The following MYOT variants were observed in gnomAD, a reference collection of about 807,000 sequenced individuals.
MYOT encodes the protein myotilin, also known as 57 kDa cytoskeletal protein.
In MYOT, 36 loss-of-function variants were observed where a neutral mutation model predicts 58.0. The observed-to-expected ratio is 0.62, with a 90% confidence interval of 0.48 to 0.82. The LOEUF (loss-of-function observed/expected upper bound fraction) is 0.82, where lower values mean the gene tolerates loss of function less well. Ranked by LOEUF, MYOT falls within the 40% of genes least tolerant of loss-of-function variation. The pLI, the probability that MYOT is intolerant of heterozygous loss-of-function variation, is 0.00. For synonymous variants in MYOT, 218 were observed against 204.6 expected (o/e 1.07, Z -0.56); for missense variants, 505 against 592.1 (o/e 0.85, Z 1.53).
chr5:137,879,528 T>TTTC (rs1355490948), intron 4 of MYOT, among the ~76,000 whole-genome samples: 1 of 136,860 alleles, frequency 7.3e-6, no homozygotes. Context: ...TTTTTTTTTT[T>TTTC]TTTTTTTTTT....
Position 137,877,603 on chromosome 5 carries a change from T to C in MYOT, c.615T>C (p.Ser205=). 3 of 1,613,180 alleles carry C rather than the reference T, an allele frequency of 1.9e-6. No individual in the cohort carries two copies. The highest frequency in any genetic ancestry group is 2.5e-6 in the Non-Finnish European group (3 of 1,179,188). The change falls in exon 4 of 10, where the codon AGT becomes AGC. Residue 205 remains serine, a synonymous_variant. Transcript: ENST00000239926. ...AAAVFQAQDD[S]GAQDSQQHNS... is the part of the protein sequence containing the mutation. Reference sequence around the variant, plus strand: ...CTGTGTTTCAAGCTCAGGATGACAGTGGTGCACAAGACTCGCAGGTAAGTT... The same window carrying C: ...CTGTGTTTCAAGCTCAGGATGACAGCGGTGCACAAGACTCGCAGGTAAGTT...
chr5:137,881,964 T>G lies in MYOT; in HGVS notation c.684-9T>G. ...TTTACGCATAGTTGTTACCAAAATA[T>G]TCTTGTAGAAGTAGATCAACCTCAA... On this transcript the variant is annotated splice_polypyrimidine_tract_variant and intron_variant, in intron 5 of 9. Coordinates refer to ENST00000239926, the MANE Select transcript of MYOT (RefSeq NM_006790.3). The G allele has an allele frequency of 6.2e-7, 1 of 1,613,546 alleles. No individual in the cohort carries two copies. Among genetic ancestry groups the G allele is most frequent in the South Asian group, 1.1e-5 (1 of 91,076 alleles).
In MYOT at chr5:137,870,667, C is replaced by T. The variant is rs1264310581; in HGVS notation, c.16C>T (p.Arg6Cys). Reference protein sequence around the residue: MFNYERPKHFIQSQNP... With the variant: MFNYECPKHFIQSQNP... ...CCAACTAAGCATGTTTAACTACGAA[C>T]GTCCAAAACACTTCATCCAGTCCCA... The change falls in exon 2 of 10, where the codon CGT (arginine) becomes TGT (cysteine). Residue 6 changes from arginine (R) to cysteine (C), a missense_variant. Transcript: ENST00000239926. 1.2e-5 allele frequency: 20 copies of T among 1,613,894 alleles called. No homozygotes were observed. Among genetic ancestry groups the T allele is most frequent in the Admixed American group, 1.7e-5 (1 of 59,996 alleles).
At chr5:137,884,022 T>C (rs1160522632) in intron 7 of MYOT, among the ~76,000 whole-genome samples, 1 of 152,158 alleles carries the variant, frequency 6.6e-6, no homozygotes, top group Non-Finnish European at 1.5e-5. Flanking sequence ...AGAATTATCA[T>C]AATCTGTCAA....
chr5:137,879,650 G>A (rs1019043741), intron 4 of MYOT, among the ~76,000 whole-genome samples: 2 of 141,034 alleles, frequency 1.4e-5, no homozygotes, highest in African/African-American at 5.3e-5. Context: ...TCAGCCTCCC[G>A]AGTAGCTGGG....
rs752368606 is a variant in MYOT at position 137,881,957 on chromosome 5, CA to C, written c.684-12del. 1 of 1,612,248 alleles carries C rather than the reference CA, an allele frequency of 6.2e-7. No homozygotes were observed. Among genetic ancestry groups the C allele is most frequent in the Admixed American group, 1.7e-5 (1 of 59,996 alleles). On this transcript the variant is annotated splice_polypyrimidine_tract_variant and intron_variant, in intron 5 of 9. Coordinates refer to ENST00000239926, the MANE Select transcript of MYOT (RefSeq NM_006790.3). ...GATAATATTTACGCATAGTTGTTAC[CA>C]AAATATTCTTGTAGAAGTAGATCAA...
Position 137,885,609 on chromosome 5 carries a change from T to C in MYOT, c.1025-439T>C, listed in dbSNP as rs186731682. Among the ~76,000 whole-genome samples, 276 of 150,658 alleles carry C rather than the reference T, an allele frequency of 1.8e-3. 1 individual carries two copies. Among genetic ancestry groups the C allele is most frequent in the African/African-American group, 6.5e-3 (269 of 41,112 alleles). ...TAACATGGCAAAACTCTGTGTCCAC[T>C]AAAAAAAATACAAAAATTAGTTGGG... is the stretch of plus-strand genomic sequence containing the variant. On this transcript the variant is annotated intron_variant, in intron 7 of 9. Transcript: ENST00000239926.
intron 8 of MYOT, chr5:137,886,652 AG>A: frequency 1.6e-6 from 1 of 609,532 alleles, no homozygotes; most frequent in Non-Finnish European, 3.0e-6. Flanking sequence ...AGTGAATGAC[AG>A]GGACCATCAG....
intron 7 of MYOT, among the ~76,000 whole-genome samples, chr5:137,885,298 G>C (rs1197348362): frequency 6.6e-6 from 1 of 152,092 alleles, no homozygotes; most frequent in Non-Finnish European, 1.5e-5. Flanking sequence ...AGACACAACA[G>C]TCACTACTAC....
rs376194246 is a variant in MYOT, at chr5:137,869,215, G to C, written c.-211-1226G>C. On this transcript the variant is annotated intron_variant, in intron 1 of 9. Transcript: ENST00000239926. Reference sequence around the variant, plus strand: ...AATTTGGTTAATTTTTCAGTTAAAAGTTTGATTTGTCATTATCTCAGTATT... The same window carrying C: ...AATTTGGTTAATTTTTCAGTTAAAACTTTGATTTGTCATTATCTCAGTATT... 1.1e-4 allele frequency among the ~76,000 whole-genome samples: 16 copies of C among 152,232 alleles called. No homozygotes were observed. In the East Asian group the frequency reaches 2.5e-3, roughly 24 times the overall value.
intron 4 of MYOT, among the ~76,000 whole-genome samples, chr5:137,880,391 T>C (rs1304990802): frequency 6.6e-6 from 1 of 152,220 alleles, no homozygotes; most frequent in Non-Finnish European, 1.5e-5. Context: ...CTGCTGTTGG[T>C]GCCACTTTTG....
chr5:137,877,106 C>G (rs967693293), intron 3 of MYOT, among the ~76,000 whole-genome samples: 3 of 151,616 alleles, frequency 2.0e-5, no homozygotes, highest in African/African-American at 7.3e-5. Flanking sequence ...CAGTGGCTCA[C>G]GCCTATAATC....
rs1211030623 is a variant in MYOT at position 137,882,021 on chromosome 5, G to A, written c.732G>A (p.Gln244=). 1 of 1,614,068 alleles carries A rather than the reference G, an allele frequency of 6.2e-7. No individual in the cohort carries two copies. Among genetic ancestry groups the A allele is most frequent in the South Asian group, 1.1e-5 (1 of 91,086 alleles). Residue 244 remains glutamine (Q), a synonymous_variant, in exon 6 of 10, where the codon CAG becomes CAA. Coordinates refer to ENST00000239926, the MANE Select transcript of MYOT (RefSeq NM_006790.3). ...RGDVNDQDAI[Q]EKFYPPRFIQ... is the part of the protein sequence containing the mutation. ...ATGTGAATGATCAGGATGCAATCCA[G>A]GAGAAATTTTACCCACCACGTTTCA...
At chr5:137,886,661 CAG>C (rs1755610555) in intron 8 of MYOT, 2 of 620,962 alleles carry the variant, frequency 3.2e-6, no homozygotes, top group African/African-American at 3.7e-5. Context: ...CAGGGACCAT[CAG>C]GGGACAGATT....
At chr5:137,882,930 T>G (rs1755483013) in intron 6 of MYOT, 1 of 169,316 alleles carries the variant, frequency 5.9e-6, no homozygotes, top group South Asian at 1.5e-4. Context: ...GTAAAAACAC[T>G]TAACAAATTG....
rs187929787 is a variant in MYOT, at chr5:137,877,466, C to G, written c.532-54C>G. 8.1e-6 allele frequency: 10 copies of G among 1,232,594 alleles called. No individual in the cohort carries two copies. In the Admixed American group the frequency reaches 1.5e-4, roughly 19 times the overall value. The allele number at this position is 1,232,594 out of a possible 1,614,324, so 76.4% of individuals were successfully genotyped here. On this transcript the variant is annotated intron_variant, in intron 3 of 9. Transcript: ENST00000239926. ...CTATAGTAGTGGTTTTAAGGTAAAC[C>G]TGTACAAACATCTTTTATTAAATCT...
In MYOT at chr5:137,875,707, A is replaced by T. The variant is rs1755190401; in HGVS notation, c.357-122A>T. On this transcript the variant is annotated intron_variant, in intron 2 of 9. Transcript: ENST00000239926. ...TATAAAATATTTCTTGACTGTTATT[A>T]GGGCAATTTGTTTTTAATAATACTA... 9 of 841,054 alleles carry T rather than the reference A, an allele frequency of 1.1e-5. No individual in the cohort carries two copies. In the Admixed American group the frequency reaches 2.3e-4, roughly 21 times the overall value. 52.1% of individuals were successfully genotyped at this position (841,054 alleles called of 1,614,324 possible).
intron 2 of MYOT, among the ~76,000 whole-genome samples, chr5:137,872,130 A>C (rs897965590): frequency 6.6e-6 from 1 of 152,224 alleles, no homozygotes; most frequent in Non-Finnish European, 1.5e-5. Flanking sequence ...AATCCTATAG[A>C]TATTAAGTTG....
chr5:137,876,737 T>C (rs1459755048), intron 3 of MYOT, among the ~76,000 whole-genome samples: 2 of 151,872 alleles, frequency 1.3e-5, no homozygotes, highest in Admixed American at 1.3e-4. Context: ...CCAGGAGGCG[T>C]AGGTCGCCAT....
Sources: gnomAD v4.1 joint callset for allele counts (sites outside exome capture counted in the v4.1 genomes callset) on GRCh38, gnomAD v4.1.1 for gene constraint, MANE v1.5 for transcripts, NCBI Gene and HGNC (gene_info 2026-07-23, HGNC 2026-07-21) for gene names.